ZC3H3: variants seen among roughly 807,000 people sequenced by gnomAD.
The protein encoded by ZC3H3 is zinc finger CCCH domain-containing protein 3.
ZC3H3 carries 36 observed loss-of-function variants against 77.3 expected under a neutral mutation model. The ratio of observed to expected loss-of-function variants is 0.47; its 90% CI spans 0.36 to 0.61. The LOEUF (loss-of-function observed/expected upper bound fraction) is 0.61. ZC3H3 is among the 20% of genes least tolerant of loss of function. ZC3H3 has a pLI of 0.00. For missense variants in ZC3H3, 1,331 were observed against 1,312.2 expected, an observed-to-expected ratio of 1.01 and a Z score of -0.22; for synonymous variants, 626 against 555.2, an observed-to-expected ratio of 1.13 and a Z score of -1.79.
At chr8:143,495,666 C>T (rs1425449945) in intron 4 of ZC3H3, among the ~76,000 whole-genome samples, 4 of 152,116 alleles carry the variant, frequency 2.6e-5, no homozygotes, top group African/African-American at 9.7e-5. Context: ...ATTGTAACCT[C>T]GACCTCCTGG....
chr8:143,456,853 G>A (rs1444928119), intron 9 of ZC3H3, among the ~76,000 whole-genome samples: 1 of 152,144 alleles, frequency 6.6e-6, no homozygotes, highest in East Asian at 1.9e-4. Context: ...GGGCAACAAA[G>A]CGAGACCCAG....
At position 143,494,892 on chromosome 8, in the gene ZC3H3, C is replaced by A. The variant is rs1266678173; in HGVS notation, c.1715+12854G>T. 6.6e-6 allele frequency among the ~76,000 whole-genome samples: 1 copy of A among 152,186 alleles called. No individual in the cohort carries two copies. The highest frequency in any genetic ancestry group is 1.5e-5 in the Non-Finnish European group (1 of 68,038). On this transcript the variant is annotated intron_variant, in intron 4 of 11. Transcript: ENST00000262577. This position sits in a 1 kb window ranked among gnomAD's most constrained non-coding sequence, Gnocchi z 5.3. ...ACCAGTGGCCTTACGTTAGCCCGAG[C>A]AGGTACTCAACATCACTGGACACCA...
intron 2 of ZC3H3, among the ~76,000 whole-genome samples, chr8:143,536,986 C>G (rs1822820884): frequency 6.6e-6 from 1 of 151,804 alleles, no homozygotes; most frequent in Non-Finnish European, 1.5e-5. Flanking sequence ...CCATGCGCCT[C>G]AACACGGCAC....
intron 3 of ZC3H3, among the ~76,000 whole-genome samples, chr8:143,532,452 T>C (rs918164264): frequency 2.0e-5 from 3 of 152,230 alleles, no homozygotes; most frequent in Admixed American, 6.5e-5. Context: ...GAGGTGGAGC[T>C]GGAACTAAGC....
rs1228457978 is a variant in ZC3H3 at position 143,539,247 on chromosome 8, C to T, written c.120G>A (p.Gln40=). Residue 40 remains glutamine (Q), a synonymous_variant, in exon 2 of 12, where the codon CAG becomes CAA. Transcript: ENST00000262577. ...CTCTGCCACTGTGGTAAGTGGGTGG[C>T]TGCCACCCAGAAGCTGCTGGGGTAC... is the stretch of plus-strand genomic sequence containing the variant. ...APGTPAASGW[Q]PPTYHSGRAF... is the part of the protein sequence containing the mutation. 6.2e-7 allele frequency: 1 copy of T among 1,612,874 alleles called. No individual in the cohort carries two copies. The highest frequency in any genetic ancestry group is 8.5e-7 in the Non-Finnish European group (1 of 1,180,006).
At chr8:143,532,216 A>G (rs1239433217) in intron 3 of ZC3H3, among the ~76,000 whole-genome samples, 1 of 78,938 alleles carries the variant, frequency 1.3e-5, no homozygotes, top group Non-Finnish European at 2.7e-5. Flanking sequence ...TTCACATAAA[A>G]AGGAAATTAC....
Position 143,538,792 on chromosome 8 carries a change from C to A in ZC3H3, c.575G>T (p.Cys192Phe). ...CCTGGGCTTACCAGGCTCCTTCTGG[C>A]AGACCAGAAGAGGATCTTCCACACT... is the stretch of plus-strand genomic sequence containing the variant. ...TCSVEDPLLV[C>F]QKEPGKPRMV... Residue 192 changes from cysteine to phenylalanine, a missense_variant, in exon 2 of 12, where the codon TGC becomes TTC. Coordinates refer to ENST00000262577, the MANE Select transcript of ZC3H3 (RefSeq NM_015117.3). 1.2e-6 allele frequency: 2 copies of A among 1,612,300 alleles called. No homozygotes were observed. Among genetic ancestry groups the A allele is most frequent in the African/African-American group, 2.7e-5 (2 of 75,050 alleles).
chr8:143,440,991 G>T lies in ZC3H3; in HGVS notation c.2437C>A (p.Pro813Thr). 1 of 1,468,422 alleles carries T rather than the reference G, an allele frequency of 6.8e-7. No homozygotes were observed. The highest frequency in any genetic ancestry group is 8.9e-7 in the Non-Finnish European group (1 of 1,117,394). 91.0% of individuals were successfully genotyped at this position (1,468,422 alleles called of 1,614,324 possible). A position where few individuals can be genotyped will look rare whatever the true frequency, so the allele number is the denominator to read the frequency against. ...CTGGCGGTTGCGTCGCTGGGCCCTG[G>T]GGCGGGGGACGTGGCTGCCCGCCGA... is the stretch of plus-strand genomic sequence containing the variant. ...HSRRAATSPA[P>T]GPSDATARSR... The change falls in exon 10 of 12, where the codon CCA becomes ACA. Residue 813 changes from proline to threonine, a missense_variant. Pro to Thr is a conservative substitution (Grantham distance 38, BLOSUM62 -1). Transcript: ENST00000262577.
Position 143,538,631 on chromosome 8 carries a change from T to G in ZC3H3, c.736A>C (p.Lys246Gln), listed in dbSNP as rs955850033. The G allele has an allele frequency of 7.5e-6, 12 of 1,609,012 alleles. No individual in the cohort carries two copies. Among genetic ancestry groups the G allele is most frequent in the African/African-American group, 2.7e-5 (2 of 74,944 alleles). Residue 246 changes from lysine (K) to glutamine (Q), a missense_variant, in exon 2 of 12, where the codon AAG (lysine) becomes CAG (glutamine). Physicochemically the swap from Lys to Gln is moderately conservative, Grantham distance 53. This residue lies in a region of ZC3H3 where 978 missense variants were observed against 915.5 expected (regional missense o/e 1.07). Coordinates refer to ENST00000262577, the MANE Select transcript of ZC3H3 (RefSeq NM_015117.3). ...PPRTGVALGR[K>Q]LGSHSVASCA... is the part of the protein sequence containing the mutation. ...CTGGCCACGGAATGAGAACCCAGCT[T>G]CCGGCCCAGGGCCACGCCAGTGCGT...
At chr8:143,469,682 G>A (rs1489143592) in intron 5 of ZC3H3, among the ~76,000 whole-genome samples, 1 of 152,208 alleles carries the variant, frequency 6.6e-6, no homozygotes, top group African/African-American at 2.4e-5. Flanking sequence ...AGGGGATGAG[G>A]CGGGGAGGGG....
rs1251539302 is a variant in ZC3H3 at position 143,468,672 on chromosome 8, G to C, written c.1904-13C>G. 4 of 1,548,456 alleles carry C rather than the reference G, an allele frequency of 2.6e-6. No homozygotes were observed. Among genetic ancestry groups the C allele is most frequent in the Non-Finnish European group, 3.5e-6 (4 of 1,146,496 alleles). ...GGATCCAGCCGGCCTGTGGGGGAGA[G>C]AGGCACGGGTCATAGCAGGCCACAG... is the stretch of plus-strand genomic sequence containing the variant. On this transcript the variant is annotated splice_polypyrimidine_tract_variant and intron_variant, in intron 5 of 11. Coordinates refer to ENST00000262577, the MANE Select transcript of ZC3H3 (RefSeq NM_015117.3).
At position 143,507,788 on chromosome 8, in the gene ZC3H3, A is replaced by G. The variant is rs764046822; in HGVS notation, c.1673T>C (p.Leu558Pro). 3 of 1,601,668 alleles carry G rather than the reference A, an allele frequency of 1.9e-6. No individual in the cohort carries two copies. The highest frequency in any genetic ancestry group is 2.7e-5 in the African/African-American group (2 of 74,818). Reference sequence around the variant, plus strand: ...CCGGGCCCGCCAGGAGGGCAGAGACAGGGGGAAGGGCGGGGCGCTGAGAGG... The same window carrying G: ...CCGGGCCCGCCAGGAGGGCAGAGACGGGGGGAAGGGCGGGGCGCTGAGAGG... ...ASPLSAPPFP[L>P]SLPSWRARRL... The change falls in exon 4 of 12, where the codon CTG becomes CCG. Residue 558 changes from leucine (L) to proline (P), a missense_variant. Transcript: ENST00000262577.
intron 9 of ZC3H3, among the ~76,000 whole-genome samples, chr8:143,445,392 A>G (rs1419225429): frequency 6.6e-6 from 1 of 151,428 alleles, no homozygotes; most frequent in Non-Finnish European, 1.5e-5. Context: ...AAGAAAAAAA[A>G]AAAAAAAGAT....
intron 4 of ZC3H3, among the ~76,000 whole-genome samples, chr8:143,500,158 C>G (rs1172298184): frequency 1.3e-5 from 2 of 152,246 alleles, no homozygotes; most frequent in Non-Finnish European, 2.9e-5. Context: ...CTGGGTGGGC[C>G]TCAGCACATC....
chr8:143,532,166 T>C (rs1470134008), intron 3 of ZC3H3, among the ~76,000 whole-genome samples: 1 of 152,268 alleles, frequency 6.6e-6, no homozygotes, highest in African/African-American at 2.4e-5. Flanking sequence ...GGCCCAGCAT[T>C]AGCAGGTTAT....
intron 3 of ZC3H3, among the ~76,000 whole-genome samples, chr8:143,523,796 G>A (rs1189467638): frequency 1.3e-5 from 2 of 152,238 alleles, no homozygotes; most frequent in African/African-American, 4.8e-5. Context: ...TGACCTGCTA[G>A]AGCCAGAGCA....
Position 143,462,114 on chromosome 8 carries a change from G to A in ZC3H3, c.2307+3603C>T, listed in dbSNP as rs758817644. Reference sequence around the variant, plus strand: ...AAATGAAGAACAGCAAACGGCAGCCGACTTGTAGGGAGGCCTCCCTGTGCC... The same window carrying A: ...AAATGAAGAACAGCAAACGGCAGCCAACTTGTAGGGAGGCCTCCCTGTGCC... On this transcript the variant is annotated intron_variant, in intron 9 of 11. Coordinates refer to ENST00000262577, the MANE Select transcript of ZC3H3 (RefSeq NM_015117.3). This position sits in a 1 kb window ranked among gnomAD's most constrained non-coding sequence, Gnocchi z 4.7. Among the ~76,000 whole-genome samples the A allele has an allele frequency of 3.9e-5, 6 of 152,132 alleles. No individual in the cohort carries two copies. Among genetic ancestry groups the A allele is most frequent in the Non-Finnish European group, 7.3e-5 (5 of 68,032 alleles).
intron 3 of ZC3H3, among the ~76,000 whole-genome samples, chr8:143,514,561 C>T (rs1821973005): frequency 6.6e-6 from 1 of 152,248 alleles, no homozygotes; most frequent in Non-Finnish European, 1.5e-5. Flanking sequence ...CGTGCATGGT[C>T]ATTCCCGATC....
intron 4 of ZC3H3, among the ~76,000 whole-genome samples, chr8:143,489,169 G>A (rs977294406): frequency 5.3e-5 from 8 of 152,266 alleles, no homozygotes; most frequent in African/African-American, 1.7e-4. Context: ...GTCATTGCCT[G>A]CAGGGAGCCT....
Sources: allele counts gnomAD v4.1 joint callset (sites outside exome capture counted in the v4.1 genomes callset), GRCh38; gene constraint gnomAD v4.1.1; regional missense constraint gnomAD v4.1.1; non-coding constraint Gnocchi (gnomAD v3.1); transcripts MANE v1.5; gene names NCBI Gene and HGNC (gene_info 2026-07-23, HGNC 2026-07-21).